MMP20: variants seen among roughly 807,000 people sequenced by gnomAD.
MMP20 encodes matrix metalloproteinase-20.
A neutral mutation model predicts 51.8 loss-of-function variants in MMP20; 50 were observed. The ratio of observed to expected loss-of-function variants is 0.97; its 90% CI spans 0.77 to 1.22. The LOEUF (loss-of-function observed/expected upper bound fraction) is 1.22. Among genes scored for constraint, MMP20 ranks in the 50% most tolerant of loss-of-function variants. The probability of loss-of-function intolerance (pLI) is 0.00; values close to 1 mark genes in which losing one functional copy is unlikely to be tolerated. For missense variants in MMP20, 663 were observed against 601.4 expected (o/e 1.10, Z -1.07); for synonymous variants, 244 against 216.2 (o/e 1.13, Z -1.13).
At chr11:102,597,001 A>C (rs982942848) in intron 6 of MMP20, among the ~76,000 whole-genome samples, 2 of 152,356 alleles carry the variant, frequency 1.3e-5, no homozygotes, top group East Asian at 3.9e-4. Flanking sequence ...AATTCAATAC[A>C]TAGCTCTGAA....
rs150997165 is a variant in MMP20 at position 102,585,746 on chromosome 11, C to T, written c.1248-6604G>A. ...GCCATCAGCTGTGGGTTTTCATAGA[C>T]GCTCTTTATTGATTTGAAAACGGTT... On this transcript the variant is annotated intron_variant, in intron 8 of 9. Coordinates refer to ENST00000260228, the MANE Select transcript of MMP20 (RefSeq NM_004771.4). 5.0e-3 allele frequency among the ~76,000 whole-genome samples: 767 copies of T among 152,214 alleles called. 4 individuals carry two copies. Among genetic ancestry groups the T allele is most frequent in the African/African-American group, 0.017 (703 of 41,544 alleles).
chr11:102,625,074 A>G lies in MMP20; in HGVS notation c.126+120T>C, dbSNP rs192679013. On this transcript the variant is annotated intron_variant, in intron 1 of 9. Coordinates refer to ENST00000260228, the MANE Select transcript of MMP20 (RefSeq NM_004771.4). ...AGAAGATAGCATCAGTTAGACTTCA[A>G]TGGACTTATATAAAATGATTTTAAA... The G allele has an allele frequency of 1.3e-4, 171 of 1,344,442 alleles. No individual in the cohort carries two copies. In the East Asian group the frequency reaches 4.2e-3, roughly 33 times the overall value. The allele number at this position is 1,344,442 out of a possible 1,614,324, so 83.3% of individuals were successfully genotyped here.
intron 7 of MMP20, 84 bp downstream of exon 7, chr11:102,594,536 GA>G: frequency 1.3e-6 from 2 of 1,565,020 alleles, no homozygotes; most frequent in Non-Finnish European, 8.7e-7. Context: ...ATGATGACTG[GA>G]AAAATGCTGG....
intron 8 of MMP20, among the ~76,000 whole-genome samples, chr11:102,590,851 G>A (rs889910722): frequency 7.9e-5 from 12 of 152,010 alleles, no homozygotes; most frequent in African/African-American, 2.9e-4. Flanking sequence ...AATGACTAAA[G>A]CTCCCCTGGC....
intron 8 of MMP20, among the ~76,000 whole-genome samples, chr11:102,585,053 T>G (rs1859239207): frequency 6.6e-6 from 1 of 152,182 alleles, no homozygotes; most frequent in Non-Finnish European, 1.5e-5. Context: ...TTGGGAAGTA[T>G]GAATCCTCCA....
At chr11:102,612,325 C>T (rs1418858752) in intron 2 of MMP20, among the ~76,000 whole-genome samples, 5 of 152,160 alleles carry the variant, frequency 3.3e-5, no homozygotes, top group East Asian at 1.9e-4. Flanking sequence ...ATTAGCTGGG[C>T]GTGGTGGTGC....
In MMP20 at chr11:102,606,477, G is replaced by A. The variant is rs941075273; in HGVS notation, c.953+58C>T. ...CAGCAACAAGGACCTGTGGGACGAC[G>A]TTTGTCTGGGAGTGGAGATGAGGCC... On this transcript the variant is annotated intron_variant, in intron 6 of 9. Coordinates refer to ENST00000260228, the MANE Select transcript of MMP20 (RefSeq NM_004771.4). 28 of 1,609,736 alleles carry A rather than the reference G, an allele frequency of 1.7e-5. No homozygotes were observed. The South Asian group carries it at 2.1e-4, about 12-fold the overall frequency.
intron 8 of MMP20, among the ~76,000 whole-genome samples, chr11:102,585,718 T>C (rs555576523): frequency 6.6e-6 from 1 of 152,314 alleles, no homozygotes; most frequent in Admixed American, 6.5e-5. Context: ...CACCACTGAC[T>C]ATGCCATCAG....
chr11:102,590,893 C>T (rs1784445), intron 8 of MMP20, among the ~76,000 whole-genome samples: 38 of 152,074 alleles, frequency 2.5e-4, no homozygotes, highest in African/African-American at 8.2e-4. Flanking sequence ...CACGAGAATG[C>T]AAGTATGTGT....
chr11:102,606,756 G>T, intron 5 of MMP20, 80 bp from the exon 6 acceptor site: 2 of 1,528,784 alleles, frequency 1.3e-6, no homozygotes, highest in Non-Finnish European at 1.8e-6. Flanking sequence ...CCCAGGGGAG[G>T]TTGTACACTT....
Position 102,606,653 on chromosome 11 carries a change from T to C in MMP20, c.835A>G (p.Lys279Glu). 1 of 1,614,074 alleles carries C rather than the reference T, an allele frequency of 6.2e-7. No individual in the cohort carries two copies. Residue 279 changes from lysine (K) to glutamate (E), a missense_variant, in exon 6 of 10, where the codon AAG becomes GAG. Lys to Glu is a moderately conservative substitution (Grantham distance 56). Coordinates refer to ENST00000260228, the MANE Select transcript of MMP20 (RefSeq NM_004771.4). ...TGGGGGGCATGGGGCAGAGTGGGCT[T>C]CCCCAGGAATACTTTCCGAGGTCCT... Reference protein sequence around the residue: ...LYGPRKVFLGKPTLPHAPHHK... With the variant: ...LYGPRKVFLGEPTLPHAPHHK...
chr11:102,583,843 C>T (rs12786094), intron 8 of MMP20, among the ~76,000 whole-genome samples: 4,201 of 152,296 alleles, frequency 0.028, 84 homozygotes, highest in Middle Eastern at 0.054. Flanking sequence ...TACTTTCTGT[C>T]TGTTTTAACT....
chr11:102,593,248 G>T (rs1245581554), intron 8 of MMP20, among the ~76,000 whole-genome samples, 191 bp downstream of exon 8: 1 of 152,104 alleles, frequency 6.6e-6, no homozygotes, highest in Non-Finnish European at 1.5e-5. Flanking sequence ...TTGAATGAAG[G>T]TTTCACTCAT....
At chr11:102,588,795 TCAGTTTTTG>T (rs2135931262) in intron 8 of MMP20, among the ~76,000 whole-genome samples, 1 of 152,362 alleles carries the variant, frequency 6.6e-6, no homozygotes, top group East Asian at 1.9e-4. Context: ...ACAAATTCTC[TCAGTTTTTG>T]TTTCTCTGGG....
At position 102,606,566 on chromosome 11, in the gene MMP20, G is replaced by T. The variant is rs769812507; in HGVS notation, c.922C>A (p.Leu308Met). 1.7e-5 allele frequency: 28 copies of T among 1,613,904 alleles called. No homozygotes were observed. Among genetic ancestry groups the T allele is most frequent in the Non-Finnish European group, 2.4e-5 (28 of 1,179,906 alleles). The stretch of plus-strand genomic sequence containing the variant: ...TTGAAGAGCAGGAGCTCCTTCCCCA[G>T]CATTGTCACAGCGTCAAAGGATGAG... ...SSSSFDAVTMLGKELLLFKDR... is the reference protein window; with the variant it reads ...SSSSFDAVTMMGKELLLFKDR... The change falls in exon 6 of 10, where the codon CTG (leucine) becomes ATG (methionine). Residue 308 changes from leucine to methionine, a missense_variant. Transcript: ENST00000260228.
intron 6 of MMP20, among the ~76,000 whole-genome samples, chr11:102,605,057 G>C (rs759610384): frequency 3.9e-5 from 6 of 152,208 alleles, no homozygotes; most frequent in Non-Finnish European, 7.3e-5. Context: ...TAGGGTTAGT[G>C]CTGGAAGAGG....
In MMP20 at chr11:102,587,132, G is replaced by T. The variant is rs148786755; in HGVS notation, c.1247+6307C>A. Among the ~76,000 whole-genome samples, 782 of 152,130 alleles carry T rather than the reference G, an allele frequency of 5.1e-3. 11 individuals carry two copies. Among genetic ancestry groups the T allele is most frequent in the African/African-American group, 0.018 (746 of 41,520 alleles). On this transcript the variant is annotated intron_variant, in intron 8 of 9. Transcript: ENST00000260228. ...GTGCTGCTTTCACTGCATCTCATAA[G>T]TTCTGGTATGTTGTATTTTAATTTT... is the stretch of plus-strand genomic sequence containing the variant.
intron 5 of MMP20, 111 bp from the exon 6 acceptor site, chr11:102,606,787 T>C (rs1859523897): frequency 7.7e-7 from 1 of 1,292,048 alleles, no homozygotes; most frequent in Admixed American, 1.7e-5. Context: ...CATGTGATCA[T>C]GATCATGGCT....
intron 8 of MMP20, among the ~76,000 whole-genome samples, chr11:102,592,786 A>G (rs1384305101): frequency 6.6e-6 from 1 of 152,222 alleles, no homozygotes; most frequent in African/African-American, 2.4e-5. Context: ...AGCTCCTCTC[A>G]TTCCTCAACA....
Sources: allele counts gnomAD v4.1 joint callset (sites outside exome capture counted in the v4.1 genomes callset), GRCh38; gene constraint gnomAD v4.1.1; transcripts MANE v1.5; gene names NCBI Gene and HGNC (gene_info 2026-07-23, HGNC 2026-07-21).